The following PARD3B variants were observed in gnomAD, a reference collection of about 807,000 sequenced individuals.
The protein encoded by PARD3B is partitioning defective 3 homolog B.
A neutral mutation model predicts 130.2 loss-of-function variants in PARD3B; 103 were observed. The observed-to-expected ratio is 0.79, with a 90% CI of 0.67 to 0.93. The LOEUF is 0.93. PARD3B is among the 40% of genes least tolerant of loss of function. The probability of loss-of-function intolerance (pLI) is 0.00; values close to 1 mark genes in which losing one functional copy is unlikely to be tolerated. For synonymous variants in PARD3B, 583 were observed against 553.2 expected (o/e 1.05, Z -0.76); for missense variants, 1,609 against 1,499.2 (o/e 1.07, Z -1.21).
At chr2:205,138,006 A>T (rs1391282236) in intron 10 of PARD3B, among the ~76,000 whole-genome samples, 1 of 152,226 alleles carries the variant, frequency 6.6e-6, no homozygotes, top group Non-Finnish European at 1.5e-5. Flanking sequence ...ATCACATTTC[A>T]AGGAGATATA....
rs1170190851 is a variant in PARD3B, at chr2:205,470,827, A to G, written c.3045-29069A>G. Among the ~76,000 whole-genome samples the G allele has an allele frequency of 1.3e-5, 2 of 152,224 alleles. No homozygotes were observed. On this transcript the variant is annotated intron_variant, in intron 20 of 22. Coordinates refer to ENST00000406610, the MANE Select transcript of PARD3B (RefSeq NM_001302769.2). The surrounding 1 kb of genome is among the most constrained non-coding windows in gnomAD (Gnocchi z 4.8). ...ATTCTATGGAGTTTACAATAGAATC[A>G]TAGGGAAGCTCTTAAACAGCACCCT... is the stretch of plus-strand genomic sequence containing the variant.
chr2:205,348,378 T>G (rs2043872415), intron 18 of PARD3B, among the ~76,000 whole-genome samples: 2 of 152,200 alleles, frequency 1.3e-5, no homozygotes, highest in Non-Finnish European at 2.9e-5. Flanking sequence ...AATCCATTCT[T>G]CTATACCAAA....
intron 15 of PARD3B, among the ~76,000 whole-genome samples, chr2:205,226,058 G>A (rs1036793879): frequency 1.3e-5 from 2 of 152,058 alleles, no homozygotes; most frequent in Non-Finnish European, 2.9e-5. Context: ...GCAATGGCAC[G>A]ATCTCAAGAG....
chr2:205,093,401 C>T (rs548439064), intron 4 of PARD3B, among the ~76,000 whole-genome samples: 1 of 152,204 alleles, frequency 6.6e-6, no homozygotes, highest in Admixed American at 6.6e-5. Context: ...GAAATCTTCA[C>T]CTACCCCGAG....
At chr2:205,441,942 T>G (rs1000654046) in intron 20 of PARD3B, among the ~76,000 whole-genome samples, 1 of 152,196 alleles carries the variant, frequency 6.6e-6, no homozygotes, top group African/African-American at 2.4e-5. Flanking sequence ...ATAACTAAAC[T>G]GCTAATTCAA....
chr2:205,491,068 C>T (rs1420123414), intron 20 of PARD3B, among the ~76,000 whole-genome samples: 11 of 152,146 alleles, frequency 7.2e-5, no homozygotes, highest in Non-Finnish European at 1.5e-4. Context: ...CCTGTTCACT[C>T]TGATGGTAGT....
chr2:204,723,770 G>A (rs2039098708), intron 2 of PARD3B, among the ~76,000 whole-genome samples: 1 of 152,112 alleles, frequency 6.6e-6, no homozygotes, highest in Non-Finnish European at 1.5e-5. Context: ...AATTATAGGA[G>A]AAAGTGAGTA....
rs780804173 is a variant in PARD3B at position 204,678,220 on chromosome 2, T to C, written c.121-7961T>C. Among the ~76,000 whole-genome samples, 1 of 152,114 alleles carries C rather than the reference T, an allele frequency of 6.6e-6. No individual in the cohort carries two copies. Among genetic ancestry groups the C allele is most frequent in the Non-Finnish European group, 1.5e-5 (1 of 68,010 alleles). On this transcript the variant is annotated intron_variant, in intron 1 of 22. Transcript: ENST00000406610. The surrounding 1 kb of genome is among the most constrained non-coding windows in gnomAD (Gnocchi z 4.2). ...GTGCAGGACCTGGGGCAAGTGCCTT[T>C]AGGTGCTGGCAGGACCAAACCCAGT... is the stretch of plus-strand genomic sequence containing the variant.
intron 18 of PARD3B, among the ~76,000 whole-genome samples, chr2:205,323,217 C>T (rs552398904): frequency 1.3e-5 from 2 of 151,866 alleles, no homozygotes; most frequent in African/African-American, 2.4e-5. Context: ...CCTAACACCC[C>T]CTTTTAACAT....
intron 3 of PARD3B, among the ~76,000 whole-genome samples, chr2:205,013,980 T>G (rs1053785003): frequency 6.6e-6 from 1 of 152,178 alleles, no homozygotes; most frequent in African/African-American, 2.4e-5. Context: ...CTTCAATCCT[T>G]GTCTGTGTCT....
rs756863653 is a variant in PARD3B at position 205,126,267 on chromosome 2, C to A, written c.1434+530C>A. Among the ~76,000 whole-genome samples the A allele has an allele frequency of 4.6e-5, 7 of 152,078 alleles. 1 individual carries two copies. The highest frequency in any genetic ancestry group is 3.2e-3 in the Middle Eastern group (1 of 316). Reference sequence around the variant, plus strand: ...TCAAAAGCCTTATTAAAAATGTATACCCTTAGACCTAGTAACTAGACTTCA... The same window carrying A: ...TCAAAAGCCTTATTAAAAATGTATAACCTTAGACCTAGTAACTAGACTTCA... On this transcript the variant is annotated intron_variant, in intron 10 of 22. Transcript: ENST00000406610.
intron 21 of PARD3B, among the ~76,000 whole-genome samples, chr2:205,502,496 C>T (rs758418925): frequency 6.6e-5 from 10 of 152,118 alleles, no homozygotes; most frequent in Non-Finnish European, 8.8e-5. Context: ...AACACGAAAG[C>T]GGTCCAACTT....
Position 205,160,114 on chromosome 2 carries a change from T to C in PARD3B, c.1620+1207T>C, listed in dbSNP as rs1260017420. On this transcript the variant is annotated intron_variant, in intron 11 of 22. Transcript: ENST00000406610. This position sits in a 1 kb window ranked among gnomAD's most constrained non-coding sequence, Gnocchi z 4.0. ...TCAGACTAGATGTGGAGATAATGCC[T>C]TTTTCACTGGGAAATAAATGTACTT... Among the ~76,000 whole-genome samples, 1 of 152,224 alleles carries C rather than the reference T, an allele frequency of 6.6e-6. No homozygotes were observed. The highest frequency in any genetic ancestry group is 1.9e-4 in the East Asian group (1 of 5,206).
At chr2:204,579,034 A>C (rs893000022) in intron 1 of PARD3B, among the ~76,000 whole-genome samples, 3 of 151,954 alleles carry the variant, frequency 2.0e-5, no homozygotes, top group Admixed American at 2.0e-4. Context: ...TTTAGGAGAA[A>C]CTTGAGTTGT....
intron 19 of PARD3B, among the ~76,000 whole-genome samples, chr2:205,429,464 T>C (rs1251890323): frequency 6.6e-6 from 1 of 152,128 alleles, no homozygotes; most frequent in Non-Finnish European, 1.5e-5. Flanking sequence ...CAACCCCTAA[T>C]GAAATAATTA....
intron 1 of PARD3B, among the ~76,000 whole-genome samples, chr2:204,593,288 T>C (rs984339779): frequency 6.6e-6 from 1 of 152,146 alleles, no homozygotes; most frequent in African/African-American, 2.4e-5. Flanking sequence ...ATTGAGGATC[T>C]CCAGAATGGA....
intron 2 of PARD3B, among the ~76,000 whole-genome samples, chr2:204,961,060 G>A (rs1690703092): frequency 6.6e-6 from 1 of 152,164 alleles, no homozygotes. Context: ...AGAACAAGGG[G>A]CGGGATCAGC....
In PARD3B at chr2:204,698,097, T is replaced by C. The variant is rs184626478; in HGVS notation, c.222+11815T>C. Among the ~76,000 whole-genome samples the C allele has an allele frequency of 6.6e-5, 10 of 152,220 alleles. No individual in the cohort carries two copies. In the East Asian group the frequency reaches 1.7e-3, roughly 27 times the overall value. On this transcript the variant is annotated intron_variant, in intron 2 of 22. Transcript: ENST00000406610. The stretch of plus-strand genomic sequence containing the variant: ...TGGGTTGAGTCAACTCTCAAGACCC[T>C]CCTAACTTGGAACCTCCAATTACAC...
chr2:205,134,189 G>A (rs1339954744), intron 10 of PARD3B, among the ~76,000 whole-genome samples: 2 of 152,040 alleles, frequency 1.3e-5, no homozygotes, highest in African/African-American at 2.4e-5. Flanking sequence ...TGAAAGTGAG[G>A]TACAGAAACA....
Sources: allele counts gnomAD v4.1 joint callset (sites outside exome capture counted in the v4.1 genomes callset), GRCh38; gene constraint gnomAD v4.1.1; non-coding constraint Gnocchi (gnomAD v3.1); transcripts MANE v1.5; gene names NCBI Gene and HGNC (gene_info 2026-07-23, HGNC 2026-07-21).